The following ALDH9A1 variants were observed in gnomAD, a reference collection of about 807,000 sequenced individuals.
ALDH9A1 encodes 4-trimethylaminobutyraldehyde dehydrogenase.
ALDH9A1 carries 42 observed loss-of-function variants against 56.6 expected under a neutral mutation model. That is an observed-to-expected ratio of 0.74 (90% CI 0.58 to 0.96). The LOEUF is 0.96. Ranked by LOEUF, ALDH9A1 falls within the 40% of genes least tolerant of loss-of-function variation. ALDH9A1 has a pLI of 0.00. For missense variants in ALDH9A1, 661 were observed against 651.5 expected (o/e 1.01, Z -0.16); for synonymous variants, 242 against 236.0 (o/e 1.03, Z -0.23).
At chr1:165,686,063 TC>T (rs1320382916) in intron 2 of ALDH9A1, among the ~76,000 whole-genome samples, 3 of 152,150 alleles carry the variant, frequency 2.0e-5, no homozygotes, top group Non-Finnish European at 4.4e-5. Flanking sequence ...AAAAAAATGT[TC>T]ATTTCCACTA....
intron 10 of ALDH9A1, among the ~76,000 whole-genome samples, chr1:165,663,752 C>T (rs556116893): frequency 9.8e-5 from 15 of 152,322 alleles, no homozygotes; most frequent in African/African-American, 3.6e-4. Context: ...AGGGCAAGGC[C>T]GAGGTCCCAA....
chr1:165,665,797 T>C (rs1011265041), intron 9 of ALDH9A1, among the ~76,000 whole-genome samples: 1 of 152,180 alleles, frequency 6.6e-6, no homozygotes, highest in Admixed American at 6.5e-5. Flanking sequence ...AGAACCTTCA[T>C]ACGTTGTTCG....
chr1:165,672,384 A>G (rs1211824937), intron 6 of ALDH9A1, among the ~76,000 whole-genome samples: 2 of 152,208 alleles, frequency 1.3e-5, no homozygotes, highest in Non-Finnish European at 2.9e-5. Context: ...AAGATATTAT[A>G]CTAAGTGAAA....
rs780421570 is a variant in ALDH9A1 at position 165,698,424 on chromosome 1, C to A, written c.135G>T (p.Glu45Asp). 4 of 1,606,336 alleles carry A rather than the reference C, an allele frequency of 2.5e-6. No homozygotes were observed. The highest frequency in any genetic ancestry group is 3.4e-6 in the Non-Finnish European group (4 of 1,177,314). ...PLNYRGGARV[E>D]PADASGTEKA... ...TCTCGGTACCGGAGGCGTCCGCCGG[C>A]TCCACGCGGGCCCCGCCGCGGTAAT... The change falls in exon 1 of 11, where the codon GAG becomes GAT. Residue 45 changes from glutamate to aspartate, a missense_variant. Physicochemically the swap from Glu to Asp is conservative, Grantham distance 45 (BLOSUM62 2). Coordinates refer to ENST00000354775, the MANE Select transcript of ALDH9A1 (RefSeq NM_000696.4).
At chr1:165,689,208 G>A (rs1359651300) in intron 2 of ALDH9A1, among the ~76,000 whole-genome samples, 1 of 152,132 alleles carries the variant, frequency 6.6e-6, no homozygotes, top group East Asian at 1.9e-4. Flanking sequence ...TTCGTTGGGA[G>A]AAAATTCTAT....
In ALDH9A1 at chr1:165,695,391, A is replaced by G. The variant is rs1311356271; in HGVS notation, c.188T>C (p.Val63Ala). The change falls in exon 2 of 11, where the codon GTG becomes GCG. Residue 63 changes from valine (V) to alanine (A), a missense_variant. Val to Ala is a moderately conservative substitution (Grantham distance 64, BLOSUM62 0). Coordinates refer to ENST00000354775, the MANE Select transcript of ALDH9A1 (RefSeq NM_000696.4). The part of the protein sequence containing the change: ...EKAFEPATGR[V>A]IATFTCSGEK... ...TCCTGAACATGTGAAAGTAGCTATC[A>G]CTCGGCCTATAAAGAGCGGAAACAT... 1 of 1,608,202 alleles carries G rather than the reference A, an allele frequency of 6.2e-7. No individual in the cohort carries two copies. Among genetic ancestry groups the G allele is most frequent in the Non-Finnish European group, 8.5e-7 (1 of 1,177,998 alleles).
At position 165,677,161 on chromosome 1, in the gene ALDH9A1, C is replaced by A. The variant is rs1649389036; in HGVS notation, c.930+2281G>T. The stretch of plus-strand genomic sequence containing the variant: ...GCCGAGGCATTTGGATCACTTGAGC[C>A]CAGGAGTTCAAGACCAGCCTGGCCA... On this transcript the variant is annotated intron_variant, in intron 6 of 10. Coordinates refer to ENST00000354775, the MANE Select transcript of ALDH9A1 (RefSeq NM_000696.4). Among the ~76,000 whole-genome samples, 4 of 150,780 alleles carry A rather than the reference C, an allele frequency of 2.7e-5. No homozygotes were observed. In the South Asian group the frequency reaches 8.4e-4, roughly 32 times the overall value.
intron 9 of ALDH9A1, among the ~76,000 whole-genome samples, chr1:165,665,378 CTTTT>C: frequency 6.6e-6 from 1 of 152,148 alleles, no homozygotes; most frequent in Non-Finnish European, 1.5e-5. Flanking sequence ...GAAAAACAGT[CTTTT>C]TAACAAATGG....
intron 2 of ALDH9A1, among the ~76,000 whole-genome samples, chr1:165,689,366 T>C (rs1213908841): frequency 6.6e-6 from 1 of 152,226 alleles, no homozygotes; most frequent in African/African-American, 2.4e-5. Flanking sequence ...TAAACCTCTT[T>C]ACTTCCTGTT....
intron 5 of ALDH9A1, 105 bp downstream of exon 5, chr1:165,680,382 G>A: frequency 6.6e-6 from 8 of 1,210,314 alleles, no homozygotes; most frequent in Non-Finnish European, 4.7e-6. Context: ...CCCAATTCAG[G>A]CTAGGTAAAA....
At chr1:165,679,630 T>G (rs1238875381) in intron 5 of ALDH9A1, 48 bp from the exon 6 acceptor site, 1 of 1,606,032 alleles carries the variant, frequency 6.2e-7, no homozygotes, top group Non-Finnish European at 8.5e-7. Flanking sequence ...CAAATTATAT[T>G]GCATGCTAAG....
At chr1:165,696,343 A>G (rs1408908113) in intron 1 of ALDH9A1, among the ~76,000 whole-genome samples, 1 of 152,232 alleles carries the variant, frequency 6.6e-6, no homozygotes, top group Non-Finnish European at 1.5e-5. Context: ...GTTTACTAAC[A>G]TTAACTTCTG....
chr1:165,672,636 C>T (rs1316467080), intron 6 of ALDH9A1, among the ~76,000 whole-genome samples: 1 of 152,060 alleles, frequency 6.6e-6, no homozygotes, highest in Non-Finnish European at 1.5e-5. Context: ...GAACTCTACA[C>T]TTAAAAATGG....
chr1:165,670,427 AC>A (rs1366387502), intron 6 of ALDH9A1, among the ~76,000 whole-genome samples: 2 of 126,912 alleles, frequency 1.6e-5, no homozygotes, highest in Non-Finnish European at 3.5e-5. Context: ...AGAGAGCGAG[AC>A]TTTTTTTTTT....
intron 2 of ALDH9A1, among the ~76,000 whole-genome samples, chr1:165,693,142 G>A (rs570972797): frequency 0.036 from 5,481 of 152,162 alleles, 329 homozygotes; most frequent in African/African-American, 0.12. Flanking sequence ...TACCATTCAG[G>A]ACACAGGCAT....
intron 6 of ALDH9A1, among the ~76,000 whole-genome samples, chr1:165,669,945 G>C (rs1359665772): frequency 6.6e-6 from 1 of 152,130 alleles, no homozygotes. Context: ...ACACAGAACA[G>C]AAAAGTCCAA....
chr1:165,682,046 GGAGAGAACGAAC>G, intron 4 of ALDH9A1, 49 bp downstream of exon 4: 3 of 1,590,194 alleles, frequency 1.9e-6, no homozygotes. Flanking sequence ...TAGAGAATGG[GGAGAGAACGAAC>G]GAGAGAATGA....
At chr1:165,674,054 T>C (rs1028077565) in intron 6 of ALDH9A1, among the ~76,000 whole-genome samples, 10 of 152,092 alleles carry the variant, frequency 6.6e-5, no homozygotes, top group African/African-American at 2.4e-4. Flanking sequence ...CTGGTCGTCA[T>C]TGCTGCTCAT....
chr1:165,679,777 G>A (rs917371641), intron 5 of ALDH9A1, among the ~76,000 whole-genome samples, 195 bp from the exon 6 acceptor site: 1 of 152,154 alleles, frequency 6.6e-6, no homozygotes. Context: ...GAGTTGCACT[G>A]ACATTAGAAG....
Sources: allele counts gnomAD v4.1 joint callset (sites outside exome capture counted in the v4.1 genomes callset), GRCh38; gene constraint gnomAD v4.1.1; transcripts MANE v1.5; gene names NCBI Gene and HGNC (gene_info 2026-07-23, HGNC 2026-07-21).